PTPRD: variants seen among roughly 807,000 people sequenced by gnomAD.
The protein encoded by PTPRD is protein tyrosine phosphatase receptor type D.
PTPRD carries 34 observed loss-of-function variants against 214.5 expected under a neutral mutation model. The observed-to-expected ratio is 0.16, with a 90% CI of 0.12 to 0.21. The LOEUF is 0.21. PTPRD is among the 10% of genes least tolerant of loss of function. The probability of loss-of-function intolerance (pLI) is 1.00; values close to 1 mark genes in which losing one functional copy is unlikely to be tolerated. For synonymous variants in PTPRD, 1,128 were observed against 845.7 expected, an observed-to-expected ratio of 1.33 and a Z score of -5.79; for missense variants, 2,545 against 2,398.7, an observed-to-expected ratio of 1.06 and a Z score of -1.27.
intron 12 of PTPRD, among the ~76,000 whole-genome samples, chr9:8,713,022 T>C (rs1169271495): frequency 6.6e-6 from 1 of 152,214 alleles, no homozygotes; most frequent in Non-Finnish European, 1.5e-5. Context: ...CCCAGCCTGA[T>C]TCTTTAATAT....
intron 2 of PTPRD, among the ~76,000 whole-genome samples, chr9:10,364,907 A>G (rs2097484946): frequency 6.6e-6 from 1 of 152,230 alleles, no homozygotes; most frequent in Non-Finnish European, 1.5e-5. Flanking sequence ...TACAATGGTA[A>G]GAGAAAGTAA....
chr9:10,344,943 A>G (rs2097039584), intron 2 of PTPRD, among the ~76,000 whole-genome samples: 1 of 152,128 alleles, frequency 6.6e-6, no homozygotes, highest in Non-Finnish European at 1.5e-5. Context: ...TTCATTTTAG[A>G]TGCTATTATA....
chr9:8,462,530 C>T (rs2096441650), intron 32 of PTPRD, among the ~76,000 whole-genome samples: 1 of 152,026 alleles, frequency 6.6e-6, no homozygotes, highest in South Asian at 2.1e-4. Flanking sequence ...CACAATTTTA[C>T]TTTAAACTTG....
rs74930671 is a variant in PTPRD at position 9,652,478 on chromosome 9, T to G, written c.-286-77697A>C. Among the ~76,000 whole-genome samples the G allele has an allele frequency of 4.4e-3, 677 of 152,302 alleles. 11 individuals carry two copies. The highest frequency in any genetic ancestry group is 0.015 in the African/African-American group (624 of 41,562). The stretch of plus-strand genomic sequence containing the variant: ...CTTGATATCACCAACATGGTTGCAG[T>G]TGACTACTATAATTTCAATAGGCTC... On this transcript the variant is annotated intron_variant, in intron 7 of 45. Coordinates refer to ENST00000381196, the MANE Select transcript of PTPRD (RefSeq NM_002839.4).
At chr9:8,776,802 T>C (rs996850293) in intron 11 of PTPRD, among the ~76,000 whole-genome samples, 1 of 147,486 alleles carries the variant, frequency 6.8e-6, no homozygotes, top group South Asian at 2.1e-4. Flanking sequence ...TATATATATA[T>C]TATATATGTA....
At chr9:10,461,173 C>T (rs953508754) in intron 2 of PTPRD, among the ~76,000 whole-genome samples, 1 of 151,544 alleles carries the variant, frequency 6.6e-6, no homozygotes, top group African/African-American at 2.4e-5. Flanking sequence ...ACAGGAAATA[C>T]AATTCAAAAC....
chr9:8,920,266 A>G (rs7034257), intron 11 of PTPRD, among the ~76,000 whole-genome samples: 19,803 of 151,952 alleles, frequency 0.13, 1,469 homozygotes, highest in Admixed American at 0.17. Context: ...GCTTGAACCC[A>G]GGAGGCAGAG....
chr9:9,563,422 C>T (rs2083473444), intron 8 of PTPRD, among the ~76,000 whole-genome samples: 1 of 152,084 alleles, frequency 6.6e-6, no homozygotes, highest in African/African-American at 2.4e-5. Context: ...TATTTTTCTT[C>T]TATCTGTACC....
Position 9,361,150 on chromosome 9 carries a change from C to T in PTPRD, c.-203+36299G>A, listed in dbSNP as rs138770135. ...TTAGAAGTGCAGGTAATTTGGGGGACCCTATAGGTCAAAGGCTTACAACTC... is the reference window on the plus strand; with the variant it reads ...TTAGAAGTGCAGGTAATTTGGGGGATCCTATAGGTCAAAGGCTTACAACTC... On this transcript the variant is annotated intron_variant, in intron 9 of 45. Transcript: ENST00000381196. Among the ~76,000 whole-genome samples the T allele has an allele frequency of 2.0e-3, 301 of 151,108 alleles. 2 individuals carry two copies. The highest frequency in any genetic ancestry group is 6.7e-3 in the African/African-American group (276 of 41,386).
intron 10 of PTPRD, among the ~76,000 whole-genome samples, chr9:9,139,244 A>G (rs2154479823): frequency 6.6e-6 from 1 of 152,304 alleles, no homozygotes; most frequent in South Asian, 2.1e-4. Context: ...GTTCTTGGAA[A>G]TGTGACTTAA....
At chr9:8,489,369 G>A (rs1020387663) in intron 27 of PTPRD, among the ~76,000 whole-genome samples, 5 of 152,142 alleles carry the variant, frequency 3.3e-5, no homozygotes, top group African/African-American at 1.2e-4. Context: ...TGACCTACTG[G>A]CTTCCCCTGC....
chr9:8,820,942 G>A (rs140769515), intron 11 of PTPRD, among the ~76,000 whole-genome samples: 1 of 152,126 alleles, frequency 6.6e-6, no homozygotes, highest in Non-Finnish European at 1.5e-5. Context: ...ATCATTTTAA[G>A]TTATCAAACA....
rs562082972 is a variant in PTPRD, at chr9:9,990,331, T to A, written c.-472+43387A>T. 4.5e-4 allele frequency among the ~76,000 whole-genome samples: 69 copies of A among 152,360 alleles called. No homozygotes were observed. The South Asian group carries it at 0.014, about 31-fold the overall frequency. ...TTGCTGCAAACTACTGAAATGTAACTAAGTACAATGTACGTTTGGCCCAGC... is the reference window on the plus strand; with the variant it reads ...TTGCTGCAAACTACTGAAATGTAACAAAGTACAATGTACGTTTGGCCCAGC... On this transcript the variant is annotated intron_variant, in intron 4 of 45. Transcript: ENST00000381196.
At chr9:9,731,996 T>A (rs975644104) in intron 7 of PTPRD, among the ~76,000 whole-genome samples, 7 of 152,128 alleles carry the variant, frequency 4.6e-5, no homozygotes, top group Non-Finnish European at 8.8e-5. Flanking sequence ...TAAAGTGCTA[T>A]GCTTTGTCAT....
rs1381587820 is a variant in PTPRD, at chr9:8,796,517, G to C, written c.-103-62571C>G. Reference sequence around the variant, plus strand: ...TCAGAGTACTTGTGACTATCAAGTAGAAATATGGAATTTAACTGTCTCTCT... The same window carrying C: ...TCAGAGTACTTGTGACTATCAAGTACAAATATGGAATTTAACTGTCTCTCT... On this transcript the variant is annotated intron_variant, in intron 11 of 45. Transcript: ENST00000381196. Among the ~76,000 whole-genome samples the C allele has an allele frequency of 2.6e-5, 4 of 152,048 alleles. 1 individual carries two copies. The highest frequency in any genetic ancestry group is 9.7e-5 in the African/African-American group (4 of 41,422).
chr9:10,309,836 G>T (rs1286645670), intron 3 of PTPRD, among the ~76,000 whole-genome samples: 2 of 151,926 alleles, frequency 1.3e-5, no homozygotes, highest in Non-Finnish European at 2.9e-5. Flanking sequence ...TTTAAGAAGG[G>T]CACAATTTTG....
chr9:9,967,228 T>C (rs2094767957), intron 4 of PTPRD, among the ~76,000 whole-genome samples: 2 of 152,188 alleles, frequency 1.3e-5, no homozygotes, highest in African/African-American at 4.8e-5. Context: ...ATAAAAATAG[T>C]GCCTCCCTCA....
chr9:9,387,449 GAGTAC>G (rs1214190715), intron 9 of PTPRD, among the ~76,000 whole-genome samples: 1 of 151,930 alleles, frequency 6.6e-6, no homozygotes, highest in African/African-American at 2.4e-5. Flanking sequence ...TTTATACCTA[GAGTAC>G]AGACTTTTTT....
intron 2 of PTPRD, among the ~76,000 whole-genome samples, chr9:10,596,743 CA>C (rs2133165928): frequency 6.6e-6 from 1 of 151,542 alleles, no homozygotes; most frequent in Non-Finnish European, 1.5e-5. Flanking sequence ...TTTACTTTGT[CA>C]GGGATAATAT....
Sources: allele counts gnomAD v4.1 joint callset (sites outside exome capture counted in the v4.1 genomes callset), GRCh38; gene constraint gnomAD v4.1.1; transcripts MANE v1.5; gene names NCBI Gene and HGNC (gene_info 2026-07-23, HGNC 2026-07-21).